MLLT6: variants seen among roughly 807,000 people sequenced by gnomAD.
MLLT6 encodes the protein protein AF-17.
Under a neutral mutation model 103.0 loss-of-function variants are expected in MLLT6, and 22 were observed. The observed-to-expected ratio is 0.21, with a 90% confidence interval of 0.15 to 0.31. MLLT6 has a LOEUF of 0.31. Among genes scored for constraint, MLLT6 ranks in the 10% least tolerant of loss-of-function variants. The pLI, the probability that MLLT6 is intolerant of heterozygous loss-of-function variation, is 1.00. For synonymous variants in MLLT6, 606 were observed against 623.5 expected, an observed-to-expected ratio of 0.97 and a Z score of 0.42; for missense variants, 1,199 against 1,441.7, an observed-to-expected ratio of 0.83 and a Z score of 2.73.
In MLLT6 at chr17:38,708,876, C is replaced by T. The variant is rs137895596; in HGVS notation, c.355-297C>T. Among the ~76,000 whole-genome samples, 221 of 152,208 alleles carry T rather than the reference C, an allele frequency of 1.5e-3. 1 individual carries two copies. Among genetic ancestry groups the T allele is most frequent in the African/African-American group, 5.0e-3 (208 of 41,550 alleles). On this transcript the variant is annotated intron_variant, in intron 4 of 19. Coordinates refer to ENST00000621332, the MANE Select transcript of MLLT6 (RefSeq NM_005937.4). ...TCGTGCCACTGCACTCCAACCTGGGCGACAGAGGGAGACTCCGTCTCAAAT... is the reference window on the plus strand; with the variant it reads ...TCGTGCCACTGCACTCCAACCTGGGTGACAGAGGGAGACTCCGTCTCAAAT...
intron 8 of MLLT6, 153 bp downstream of exon 8, chr17:38,712,942 C>A (rs781465342): frequency 1.2e-5 from 9 of 754,382 alleles, no homozygotes; most frequent in East Asian, 7.4e-5. Context: ...ACCCTCTACT[C>A]CTTCTTCCAG....
intron 14 of MLLT6, 33 bp from the exon 15 acceptor site, chr17:38,720,339 G>A (rs199503281): frequency 1.1e-5 from 2 of 180,802 alleles, no homozygotes; most frequent in African/African-American, 9.3e-5. Context: ...CCGCCCCCTC[G>A]CCCCTCCCTC....
In MLLT6 at chr17:38,705,634, TGAA is replaced by T; in HGVS notation, c.4_6del (p.Lys2?). 1 of 1,521,144 alleles carries T rather than the reference TGAA, an allele frequency of 6.6e-7. No individual in the cohort carries two copies. The highest frequency in any genetic ancestry group is 8.9e-7 in the Non-Finnish European group (1 of 1,126,188). 94.2% of individuals were successfully genotyped at this position (1,521,144 alleles called of 1,614,324 possible). ...GCCCCGGAGGGAGCTCATGGGAGTATGAAGGAGATGGTAGGAGGCTGCTGCGTA... is the reference window on the plus strand; with the variant it reads ...GCCCCGGAGGGAGCTCATGGGAGTATGGAGATGGTAGGAGGCTGCTGCGTA... On this transcript the variant is annotated start_lost and inframe_deletion, in exon 1 of 20. Coordinates refer to ENST00000621332, the MANE Select transcript of MLLT6 (RefSeq NM_005937.4).
chr17:38,720,320 G>GGCCCCCCCCCCCCC, intron 14 of MLLT6, 52 bp from the exon 15 acceptor site: 2 of 735,422 alleles, frequency 2.7e-6, no homozygotes, highest in African/African-American at 1.8e-5. Context: ...CGGTCCCCTG[G>GGCCCCCCCCCCCCC]CCCCGCCTCC....
chr17:38,719,894 CAGTG>C lies in MLLT6; in HGVS notation c.2155+2_2155+5del. ...AGGGCGACGGGGAGGCCGGCGTCAA[CAGTG>C]AGGAGGGGTGGCGCCGGTCGGGACG... On this transcript the variant is annotated splice_donor_variant and splice_donor_region_variant and coding_sequence_variant and intron_variant, in exon 14 of 20. Transcript: ENST00000621332. LOFTEE classifies it high-confidence loss of function. The C allele has an allele frequency of 6.3e-7, 1 of 1,577,388 alleles. No individual in the cohort carries two copies. Among genetic ancestry groups the C allele is most frequent in the Non-Finnish European group, 8.6e-7 (1 of 1,162,278 alleles).
At position 38,716,820 on chromosome 17, in the gene MLLT6, C is replaced by T; in HGVS notation, c.1490C>T (p.Ser497Phe). ...KEGTGGPAAPSLPSAQLAGFT... is the reference protein window; with the variant it reads ...KEGTGGPAAPFLPSAQLAGFT... ...GGCACTGGGGGCCCAGCTGCCCCATCCTTGCCCAGTGCCCAGCTGGCTGGC... is the reference window on the plus strand; with the variant it reads ...GGCACTGGGGGCCCAGCTGCCCCATTCTTGCCCAGTGCCCAGCTGGCTGGC... The change falls in exon 10 of 20, where the codon TCC (serine) becomes TTC (phenylalanine). Residue 497 changes from serine (S) to phenylalanine (F), a missense_variant. Around this residue, in one of 7 missense-constraint regions of MLLT6, gnomAD observed 1,034 missense variants for 1,091.5 expected, o/e 0.95. Coordinates refer to ENST00000621332, the MANE Select transcript of MLLT6 (RefSeq NM_005937.4). This position sits in a 1 kb window ranked among gnomAD's most constrained non-coding sequence, Gnocchi z 5.6. The T allele has an allele frequency of 1.9e-6, 3 of 1,612,446 alleles. No individual in the cohort carries two copies. The highest frequency in any genetic ancestry group is 2.2e-5 in the South Asian group (2 of 90,782).
Position 38,727,557 on chromosome 17 carries a change from C to T in MLLT6, c.*1959C>T, listed in dbSNP as rs531192229. 1.0e-5 allele frequency: 2 copies of T among 200,344 alleles called. No homozygotes were observed. The highest frequency in any genetic ancestry group is 2.1e-5 in the Non-Finnish European group (2 of 97,294). 12.4% of individuals were successfully genotyped at this position (200,344 alleles called of 1,614,324 possible). ...GTGGCTCACGCCTGTAATCCCAACA[C>T]TTTGGGAGGCTGAGGCGGGCGGATC... On this transcript the variant is annotated 3_prime_UTR_variant, in exon 20 of 20. Transcript: ENST00000621332.
rs1339390366 is a variant in MLLT6, at chr17:38,727,303, A to C, written c.*1705A>C. 1 of 219,558 alleles carries C rather than the reference A, an allele frequency of 4.6e-6. No individual in the cohort carries two copies. The highest frequency in any genetic ancestry group is 1.9e-4 in the South Asian group (1 of 5,284). 13.6% of individuals were successfully genotyped at this position (219,558 alleles called of 1,614,324 possible). On this transcript the variant is annotated 3_prime_UTR_variant, in exon 20 of 20. Coordinates refer to ENST00000621332, the MANE Select transcript of MLLT6 (RefSeq NM_005937.4). ...GACTTTGTAAGATGTTAGGGAGCTG[A>C]TAATGGAGGGGGGTGGGAATCCTTC...
Position 38,726,453 on chromosome 17 carries a change from T to G in MLLT6, c.*855T>G. 1 of 234,082 alleles carries G rather than the reference T, an allele frequency of 4.3e-6. No individual in the cohort carries two copies. The highest frequency in any genetic ancestry group is 6.0e-5 in the East Asian group (1 of 16,584). The allele number at this position is 234,082 out of a possible 1,614,324, so 14.5% of individuals were successfully genotyped here. A position where few individuals can be genotyped will look rare whatever the true frequency, so the allele number is the denominator to read the frequency against. On this transcript the variant is annotated 3_prime_UTR_variant, in exon 20 of 20. Transcript: ENST00000621332. ...GACCCAGGGCAGCCAAGGGCAGGGATAGGCGCAGTGGTCAGATGAAGCAGC... is the reference window on the plus strand; with the variant it reads ...GACCCAGGGCAGCCAAGGGCAGGGAGAGGCGCAGTGGTCAGATGAAGCAGC...
At position 38,724,624 on chromosome 17, in the gene MLLT6, A is replaced by G. The variant is rs1224167686; in HGVS notation, c.2888A>G (p.His963Arg). The G allele has an allele frequency of 6.3e-7, 1 of 1,589,760 alleles. No homozygotes were observed. ...AGCGGTCTGGCCCCCTTGCAGGAAC[A>G]CCAGACTGTTGTCTACCAGATGATC... Reference protein sequence around the residue: ...LLASPQLTPEHQTVVYQMIQQ... With the variant: ...LLASPQLTPERQTVVYQMIQQ... The change falls in exon 19 of 20, where the codon CAC becomes CGC. Residue 963 changes from histidine (H) to arginine (R), a missense_variant. Physicochemically the swap from His to Arg is conservative, Grantham distance 29. This residue lies in a region of MLLT6 where 1,034 missense variants were observed against 1,091.5 expected (regional missense o/e 0.95). Transcript: ENST00000621332. The surrounding 1 kb of genome is among the most constrained non-coding windows in gnomAD (Gnocchi z 5.4).
In MLLT6 at chr17:38,725,621, C is replaced by T. The variant is rs776537628; in HGVS notation, c.*23C>T. 1.3e-6 allele frequency: 2 copies of T among 1,510,204 alleles called. No homozygotes were observed. The highest frequency in any genetic ancestry group is 1.8e-6 in the Non-Finnish European group (2 of 1,138,484). 93.6% of individuals were successfully genotyped at this position (1,510,204 alleles called of 1,614,324 possible). On this transcript the variant is annotated 3_prime_UTR_variant, in exon 20 of 20. Transcript: ENST00000621332. ...TAAATCCACCCTTACCCCTCCTGAC[C>T]CCCCCAAGTGGAGGGAACAGATCCT...
intron 7 of MLLT6, 133 bp from the exon 8 acceptor site, chr17:38,712,558 C>T (rs989345036): frequency 7.7e-6 from 5 of 649,830 alleles, no homozygotes; most frequent in South Asian, 5.4e-5. Context: ...CATTATCCAG[C>T]CCTCCTCAGG....
chr17:38,722,008 T>A lies in MLLT6; in HGVS notation c.2573T>A (p.Leu858His). 1.3e-6 allele frequency: 2 copies of A among 1,481,938 alleles called. No individual in the cohort carries two copies. The highest frequency in any genetic ancestry group is 1.8e-6 in the Non-Finnish European group (2 of 1,117,736). The allele number at this position is 1,481,938 out of a possible 1,614,324, so 91.8% of individuals were successfully genotyped here. A position where few individuals can be genotyped will look rare whatever the true frequency, so the allele number is the denominator to read the frequency against. ...GCCCTGCCTGGGGCCCCTGCCCCACTCCCGCCCCAGCCGCAGAACGGGTTG... is the reference window on the plus strand; with the variant it reads ...GCCCTGCCTGGGGCCCCTGCCCCACACCCGCCCCAGCCGCAGAACGGGTTG... Reference protein sequence around the residue: ...PLALPGAPAPLPPQPQNGLGR... With the variant: ...PLALPGAPAPHPPQPQNGLGR... The change falls in exon 17 of 20, where the codon CTC becomes CAC. Residue 858 changes from leucine to histidine, a missense_variant. By Grantham distance (99) the Leu-to-His change is moderately conservative (BLOSUM62 -3). Transcript: ENST00000621332.
intron 4 of MLLT6, among the ~76,000 whole-genome samples, chr17:38,708,613 C>G (rs141094710): frequency 0.011 from 1,647 of 152,308 alleles, 45 homozygotes; most frequent in African/African-American, 0.037. Context: ...AAATTAAAAG[C>G]AGGCTGGGTG....
chr17:38,720,320 G>GGC, intron 14 of MLLT6, 52 bp from the exon 15 acceptor site: 1 of 735,420 alleles, frequency 1.4e-6, no homozygotes, highest in East Asian at 2.8e-5. Flanking sequence ...CGGTCCCCTG[G>GGC]CCCCGCCTCC....
Position 38,709,030 on chromosome 17 carries a change from G to C in MLLT6, c.355-143G>C, listed in dbSNP as rs1409289810. 4.4e-6 allele frequency: 3 copies of C among 675,658 alleles called. No individual in the cohort carries two copies. The highest frequency in any genetic ancestry group is 1.8e-5 in the African/African-American group (1 of 56,008). 41.9% of individuals were successfully genotyped at this position (675,658 alleles called of 1,614,324 possible). ...TGTCTTGGACGGCGCAGACCATAGA[G>C]CGTTTTCATCACTGCAGACAGTTCT... On this transcript the variant is annotated intron_variant, in intron 4 of 19. Transcript: ENST00000621332. This position sits in a 1 kb window ranked among gnomAD's most constrained non-coding sequence, Gnocchi z 4.3.
At chr17:38,722,820 G>A in intron 18 of MLLT6, 52 bp downstream of exon 18, 1 of 1,349,556 alleles carries the variant, frequency 7.4e-7, no homozygotes, top group South Asian at 1.2e-5. Flanking sequence ...GCCTGGAAGG[G>A]CACATCTCAG....
At position 38,721,859 on chromosome 17, in the gene MLLT6, C is replaced by G; in HGVS notation, c.2443-19C>G. The G allele has an allele frequency of 6.5e-7, 1 of 1,530,910 alleles. No homozygotes were observed. The highest frequency in any genetic ancestry group is 8.8e-7 in the Non-Finnish European group (1 of 1,139,314). 94.8% of individuals were successfully genotyped at this position (1,530,910 alleles called of 1,614,324 possible). On this transcript the variant is annotated intron_variant, in intron 16 of 19. Transcript: ENST00000621332. ...GTCATGCTGGCCCTCTGACCCCTCC[C>G]TTCCCCCTCCCTCCCCAGGACCCAC...
chr17:38,716,443 G>A lies in MLLT6; in HGVS notation c.1113G>A (p.Lys371=), dbSNP rs531839359. The change falls in exon 10 of 20, where the codon AAG becomes AAA. Residue 371 remains lysine (K), a synonymous_variant. Transcript: ENST00000621332. The surrounding 1 kb of genome is among the most constrained non-coding windows in gnomAD (Gnocchi z 5.6). ...LEQPEEDKYS[K]PTAPAPSAPP... is the part of the protein sequence containing the mutation. ...AGCCAGAGGAGGACAAGTACTCCAA[G>A]CCCACAGCCCCCGCCCCTTCAGCCC... 1 of 1,613,746 alleles carries A rather than the reference G, an allele frequency of 6.2e-7. No homozygotes were observed. Among genetic ancestry groups the A allele is most frequent in the South Asian group, 1.1e-5 (1 of 91,058 alleles).
Sources: gnomAD v4.1 joint callset for allele counts (sites outside exome capture counted in the v4.1 genomes callset) on GRCh38, gnomAD v4.1.1 for gene constraint, gnomAD v4.1.1 regional missense constraint, Gnocchi (gnomAD v3.1) non-coding constraint, MANE v1.5 for transcripts, NCBI Gene and HGNC (gene_info 2026-07-23, HGNC 2026-07-21) for gene names.